Variants in ZRANB3 observed in about 807,000 individuals in gnomAD.
ZRANB3 encodes zinc finger RANBP2-type containing 3, also known as DNA annealing helicase and endonuclease ZRANB3.
ZRANB3 carries 125 observed loss-of-function variants against 133.8 expected under a neutral mutation model. That is an observed-to-expected ratio of 0.93 (90% CI 0.81 to 1.08). The LOEUF is 1.08. Ranked by LOEUF, ZRANB3 falls within the 50% of genes least tolerant of loss-of-function variation. The pLI is 0.00. For synonymous variants in ZRANB3, 387 were observed against 432.7 expected, an observed-to-expected ratio of 0.89 and a Z score of 1.31; for missense variants, 1,229 against 1,275.5, an observed-to-expected ratio of 0.96 and a Z score of 0.56.
At chr2:135,293,202 T>C (rs1268370486) in intron 8 of ZRANB3, among the ~76,000 whole-genome samples, 4 of 152,198 alleles carry the variant, frequency 2.6e-5, no homozygotes, top group African/African-American at 7.2e-5. Flanking sequence ...GCCATTTTCA[T>C]GACATTGATT....
chr2:135,442,877 G>A (rs913209013), intron 2 of ZRANB3, among the ~76,000 whole-genome samples: 27 of 152,176 alleles, frequency 1.8e-4, no homozygotes, highest in African/African-American at 6.3e-4. Context: ...AGCACTTTGG[G>A]AGGCCGAGGT....
chr2:135,312,301 G>C (rs976896355), intron 8 of ZRANB3, among the ~76,000 whole-genome samples: 2 of 151,632 alleles, frequency 1.3e-5, no homozygotes, highest in African/African-American at 4.8e-5. Context: ...TGAGCTAAGC[G>C]ATCCTCCCTC....
intron 2 of ZRANB3, among the ~76,000 whole-genome samples, chr2:135,422,326 C>A: frequency 6.6e-6 from 1 of 152,096 alleles, no homozygotes; most frequent in Non-Finnish European, 1.5e-5. Context: ...TCGTCAAAGC[C>A]ATGAATGATA....
At chr2:135,504,581 TTAAAG>T (rs1693092042) in intron 1 of ZRANB3, 85 bp from the exon 2 acceptor site, 1 of 1,173,338 alleles carries the variant, frequency 8.5e-7, no homozygotes, top group East Asian at 2.6e-5. Flanking sequence ...ATAAATAATA[TTAAAG>T]TACTTATAAA....
chr2:135,285,465 A>C (rs1014987318), intron 8 of ZRANB3, among the ~76,000 whole-genome samples: 1 of 152,340 alleles, frequency 6.6e-6, no homozygotes, highest in East Asian at 1.9e-4. Context: ...CTTCAGTCTC[A>C]TATCTTCCCA....
Position 135,350,120 on chromosome 2 carries a change from T to C in ZRANB3, c.455A>G (p.Lys152Arg), listed in dbSNP as rs1210831447. ...LIDALNNQNF[K>R]VVIVDESHYM... The stretch of plus-strand genomic sequence containing the variant: ...GTGTGATTCATCCACTATAACTACT[T>C]TGAAGTTCTGATTATTCAGTGCATC... The change falls in exon 5 of 21, where the codon AAA becomes AGA. Residue 152 changes from lysine (K) to arginine (R), a missense_variant. Physicochemically the swap from Lys to Arg is conservative, Grantham distance 26. Transcript: ENST00000264159. 1.2e-6 allele frequency: 2 copies of C among 1,613,810 alleles called. No individual in the cohort carries two copies. The highest frequency in any genetic ancestry group is 1.7e-5 in the Admixed American group (1 of 60,022).
At chr2:135,452,162 G>A (rs1452294788) in intron 2 of ZRANB3, among the ~76,000 whole-genome samples, 2 of 152,164 alleles carry the variant, frequency 1.3e-5, no homozygotes, top group Non-Finnish European at 2.9e-5. Flanking sequence ...GGAAAATGAG[G>A]AAGCAGCAAA....
chr2:135,262,697 C>T (rs1680023665), intron 12 of ZRANB3, among the ~76,000 whole-genome samples: 1 of 151,920 alleles, frequency 6.6e-6, no homozygotes, highest in African/African-American at 2.4e-5. Flanking sequence ...GGGAGAATCT[C>T]CTGAGTCCAG....
chr2:135,364,012 C>G (rs150346716), intron 3 of ZRANB3, among the ~76,000 whole-genome samples: 183 of 151,622 alleles, frequency 1.2e-3, no homozygotes, highest in African/African-American at 3.3e-3. Flanking sequence ...GGACACTGCA[C>G]TTCAGCCTGA....
intron 12 of ZRANB3, 86 bp downstream of exon 12, chr2:135,265,448 G>T: frequency 7.5e-7 from 1 of 1,338,680 alleles, no homozygotes; most frequent in South Asian, 1.9e-5. Flanking sequence ...ATAAATAATT[G>T]AGAGTTGCTA....
intron 2 of ZRANB3, among the ~76,000 whole-genome samples, chr2:135,429,914 G>A (rs531515347): frequency 2.9e-4 from 44 of 152,324 alleles, no homozygotes; most frequent in African/African-American, 1.0e-3. Flanking sequence ...TGGGCCTGGT[G>A]TCTTATGTCT....
intron 8 of ZRANB3, among the ~76,000 whole-genome samples, chr2:135,296,132 T>C (rs1390617012): frequency 1.3e-5 from 2 of 152,388 alleles, no homozygotes; most frequent in African/African-American, 4.8e-5. Context: ...CCTGCCTTGC[T>C]AGATTGGGGA....
chr2:135,299,733 T>C (rs758211107), intron 8 of ZRANB3, among the ~76,000 whole-genome samples: 1 of 152,196 alleles, frequency 6.6e-6, no homozygotes, highest in African/African-American at 2.4e-5. Flanking sequence ...AAGAAGTACT[T>C]CAAAAGGCAG....
At chr2:135,382,023 C>T (rs1017815303) in intron 3 of ZRANB3, among the ~76,000 whole-genome samples, 56 of 152,126 alleles carry the variant, frequency 3.7e-4, no homozygotes, top group African/African-American at 1.3e-3. Flanking sequence ...GAGAAGAAGG[C>T]TTCAGACGAT....
chr2:135,489,810 A>G (rs938462175), intron 2 of ZRANB3, among the ~76,000 whole-genome samples: 3 of 152,104 alleles, frequency 2.0e-5, no homozygotes, highest in African/African-American at 7.2e-5. Flanking sequence ...AATGCAAAAG[A>G]GAAAAAAACA....
At chr2:135,211,280 C>A (rs898883710) in intron 17 of ZRANB3, among the ~76,000 whole-genome samples, 2 of 152,024 alleles carry the variant, frequency 1.3e-5, no homozygotes, top group African/African-American at 2.4e-5. Context: ...GTGGCTCATG[C>A]ATGTAATCCC....
intron 6 of ZRANB3, among the ~76,000 whole-genome samples, chr2:135,342,718 G>A (rs183056847): frequency 1.3e-5 from 2 of 149,406 alleles, no homozygotes; most frequent in Non-Finnish European, 2.9e-5. Context: ...GTACAGGTAA[G>A]CTGTGGTAAT....
intron 8 of ZRANB3, among the ~76,000 whole-genome samples, chr2:135,285,806 G>A (rs1288656676): frequency 6.6e-6 from 1 of 152,166 alleles, no homozygotes; most frequent in Non-Finnish European, 1.5e-5. Context: ...TTGAGAGATG[G>A]CTAGACCATA....
At chr2:135,524,028 G>A (rs554114821) in intron 1 of ZRANB3, among the ~76,000 whole-genome samples, 6 of 152,190 alleles carry the variant, frequency 3.9e-5, no homozygotes, top group African/African-American at 1.2e-4. Context: ...TTTAAAAAGT[G>A]ATTATATAAT....
Sources: gnomAD v4.1 joint callset for allele counts (sites outside exome capture counted in the v4.1 genomes callset) on GRCh38, gnomAD v4.1.1 for gene constraint, MANE v1.5 for transcripts, NCBI Gene and HGNC (gene_info 2026-07-23, HGNC 2026-07-21) for gene names.